Variants in BEND3 observed in about 807,000 individuals in gnomAD.
BEND3 encodes the protein BEN domain containing 3.
BEND3 carries 13 observed loss-of-function variants against 60.1 expected under a neutral mutation model. That is an observed-to-expected ratio of 0.22 (90% CI 0.14 to 0.34). BEND3 has a LOEUF of 0.34. Ranked by LOEUF, BEND3 falls within the 10% of genes least tolerant of loss-of-function variation. The pLI, the probability that BEND3 is intolerant of heterozygous loss-of-function variation, is 1.00. For synonymous variants in BEND3, 497 were observed against 491.5 expected (o/e 1.01, Z -0.15); for missense variants, 896 against 1,138.1 (o/e 0.79, Z 3.06).
rs782172473 is a variant in BEND3 at position 107,069,117 on chromosome 6, C to CG, written c.2073dup (p.Glu692ArgfsTer21). On this transcript the variant is annotated frameshift_variant, in exon 4 of 4. Coordinates refer to ENST00000369042, the MANE Select transcript of BEND3 (RefSeq NM_001367314.1). LOFTEE classifies it high-confidence loss of function. Reference sequence around the variant, plus strand: ...TTGCAAAAGTCCTTGCTGCTCCTCTCGGGGGGCAGTGGGGGCCCCTCAAAC... The same window carrying CG: ...TTGCAAAAGTCCTTGCTGCTCCTCTCGGGGGGGCAGTGGGGGCCCCTCAAAC... The CG allele has an allele frequency of 1.2e-6, 2 of 1,612,728 alleles. No homozygotes were observed. Among genetic ancestry groups the CG allele is most frequent in the Non-Finnish European group, 8.5e-7 (1 of 1,179,950 alleles).
At chr6:107,097,608 T>C (rs984109715) in intron 3 of BEND3, among the ~76,000 whole-genome samples, 3 of 151,414 alleles carry the variant, frequency 2.0e-5, no homozygotes, top group African/African-American at 4.9e-5. Context: ...TTGGCCAACA[T>C]GGAGAAACCC....
At chr6:107,099,141 G>A in intron 2 of BEND3, 108 bp downstream of exon 2, 2 of 867,198 alleles carry the variant, frequency 2.3e-6, no homozygotes, top group South Asian at 3.1e-5. Flanking sequence ...GTGGGTGGAG[G>A]GGACTTTTCA....
intron 3 of BEND3, among the ~76,000 whole-genome samples, chr6:107,091,166 GC>G (rs1441976763): frequency 6.7e-6 from 1 of 150,322 alleles, no homozygotes; most frequent in Non-Finnish European, 1.5e-5. Flanking sequence ...GTGAAATGCA[GC>G]AAAAAGAGTG....
At position 107,069,656 on chromosome 6, in the gene BEND3, T is replaced by C; in HGVS notation, c.1535A>G (p.Lys512Arg). ...CTCGCCCTCGAAGCTGTCCTCCACC[T>C]TGACCACTGAGATGTCGTCGGGCAG... The part of the protein sequence containing the change: ...SSLPDDISVV[K>R]VEDSFEGERP... Residue 512 changes from lysine to arginine, a missense_variant, in exon 4 of 4, where the codon AAG becomes AGG. Physicochemically the swap from Lys to Arg is conservative, Grantham distance 26. Transcript: ENST00000369042. 1 of 1,609,886 alleles carries C rather than the reference T, an allele frequency of 6.2e-7. No individual in the cohort carries two copies. The highest frequency in any genetic ancestry group is 8.5e-7 in the Non-Finnish European group (1 of 1,179,994).
intron 3 of BEND3, among the ~76,000 whole-genome samples, chr6:107,072,963 G>C (rs1468596614): frequency 6.6e-6 from 1 of 151,852 alleles, no homozygotes; most frequent in African/African-American, 2.4e-5. Flanking sequence ...ACCCCAGCCT[G>C]GGTGACAGAG....
At chr6:107,079,553 C>T (rs1347935016) in intron 3 of BEND3, among the ~76,000 whole-genome samples, 1 of 152,216 alleles carries the variant, frequency 6.6e-6, no homozygotes, top group Non-Finnish European at 1.5e-5. Context: ...AGCCCCACAG[C>T]CTGACTGGTC....
intron 3 of BEND3, among the ~76,000 whole-genome samples, chr6:107,080,766 C>A (rs1775215776): frequency 6.6e-6 from 1 of 151,864 alleles, no homozygotes; most frequent in Admixed American, 6.6e-5. Context: ...CACCTGTAAC[C>A]CCAGCTACTC....
intron 3 of BEND3, among the ~76,000 whole-genome samples, chr6:107,093,329 T>C (rs1196537362): frequency 1.3e-5 from 2 of 151,870 alleles, no homozygotes; most frequent in Non-Finnish European, 2.9e-5. Context: ...GGCGTGGTGG[T>C]GGGTGCCTGT....
At chr6:107,090,265 C>T (rs1311377341) in intron 3 of BEND3, among the ~76,000 whole-genome samples, 1 of 152,140 alleles carries the variant, frequency 6.6e-6, no homozygotes, top group Non-Finnish European at 1.5e-5. Context: ...ACGAGAATCA[C>T]TTGAACCTTG....
chr6:107,102,803 C>A (rs1017790663), intron 1 of BEND3, among the ~76,000 whole-genome samples: 1 of 152,162 alleles, frequency 6.6e-6, no homozygotes, highest in African/African-American at 2.4e-5. Flanking sequence ...AACTTCACAC[C>A]AGGCACTGGG....
chr6:107,070,907 C>T lies in BEND3; in HGVS notation c.284G>A (p.Cys95Tyr), dbSNP rs138239114. The T allele has an allele frequency of 8.1e-6, 13 of 1,613,632 alleles. No homozygotes were observed. The highest frequency in any genetic ancestry group is 5.0e-5 in the Admixed American group (3 of 59,964). The stretch of plus-strand genomic sequence containing the variant: ...GCCGGCCTGCTCACCATTGCCTTGG[C>T]AGGGCGAGCTGTTCTCACGGTTCCG... ...GMRNRENSSP[C>Y]QGNGEQAGRG... is the part of the protein sequence containing the mutation. The change falls in exon 4 of 4, where the codon TGC becomes TAC. Residue 95 changes from cysteine (C) to tyrosine (Y), a missense_variant. Cys to Tyr is a radical substitution (Grantham distance 194, BLOSUM62 -2). Around this residue, in one of 4 missense-constraint regions of BEND3, gnomAD observed 846 missense variants for 1,036.7 expected, o/e 0.82. Transcript: ENST00000369042. This position sits in a 1 kb window ranked among gnomAD's most constrained non-coding sequence, Gnocchi z 6.9.
At chr6:107,093,814 T>A (rs2783017) in intron 3 of BEND3, among the ~76,000 whole-genome samples, 1 of 152,036 alleles carries the variant, frequency 6.6e-6, no homozygotes, top group South Asian at 2.1e-4. Context: ...AGAGAAAACA[T>A]AGATGACCTT....
intron 3 of BEND3, among the ~76,000 whole-genome samples, chr6:107,079,122 C>A (rs1775168846): frequency 6.6e-6 from 1 of 152,098 alleles, no homozygotes; most frequent in Non-Finnish European, 1.5e-5. Context: ...GAGGAACACA[C>A]AACTGGGTGG....
chr6:107,070,974 A>G lies in BEND3; in HGVS notation c.241-24T>C. ...GCCTGCAAAACAAAAATCATTTCCC[A>G]GAGTGTTAGGTGGGTGCTGTGGTTT... is the stretch of plus-strand genomic sequence containing the variant. On this transcript the variant is annotated intron_variant, in intron 3 of 3. Coordinates refer to ENST00000369042, the MANE Select transcript of BEND3 (RefSeq NM_001367314.1). The surrounding 1 kb of genome is among the most constrained non-coding windows in gnomAD (Gnocchi z 6.9). 6.3e-7 allele frequency: 1 copy of G among 1,585,238 alleles called. No individual in the cohort carries two copies. The highest frequency in any genetic ancestry group is 8.6e-7 in the Non-Finnish European group (1 of 1,165,954).
At chr6:107,097,809 A>AAC (rs1775619016) in intron 3 of BEND3, among the ~76,000 whole-genome samples, 1 of 151,274 alleles carries the variant, frequency 6.6e-6, no homozygotes, top group Admixed American at 6.6e-5. Context: ...AAAAAAAAAA[A>AAC]AAAAAACCCC....
In BEND3 at chr6:107,066,437, G is replaced by C. The variant is rs538042724; in HGVS notation, c.*2267C>G. The C allele has an allele frequency of 6.5e-6, 1 of 152,680 alleles. No individual in the cohort carries two copies. Among genetic ancestry groups the C allele is most frequent in the South Asian group, 2.1e-4 (1 of 4,822 alleles). 9.5% of individuals were successfully genotyped at this position (152,680 alleles called of 1,614,324 possible). ...GGGGGAAGATGCCCTACACATGTAA[G>C]GTATTAAGAAAATCACTGAAATACG... On this transcript the variant is annotated 3_prime_UTR_variant, in exon 4 of 4. Transcript: ENST00000369042.
At position 107,069,544 on chromosome 6, in the gene BEND3, G is replaced by A. The variant is rs781991805; in HGVS notation, c.1647C>T (p.Pro549=). 1.3e-5 allele frequency: 21 copies of A among 1,613,022 alleles called. No individual in the cohort carries two copies. Among genetic ancestry groups the A allele is most frequent in the South Asian group, 2.2e-5 (2 of 91,088 alleles). Residue 549 remains proline (P), a synonymous_variant, in exon 4 of 4, where the codon CCC becomes CCT. Coordinates refer to ENST00000369042, the MANE Select transcript of BEND3 (RefSeq NM_001367314.1). ...CCTTGCTGAGCAGGCAGTCGGCACC[G>A]GGCACCTCGAAGTCAGGCTGGGGGA... ...LEIPQPDFEV[P]GADCLLSKEQ...
rs1197456601 is a variant in BEND3, at chr6:107,089,280, T to C, written c.240+9271A>G. Among the ~76,000 whole-genome samples the C allele has an allele frequency of 2.0e-5, 3 of 152,314 alleles. 1 individual carries two copies. The East Asian group carries it at 5.8e-4, about 29-fold the overall frequency. On this transcript the variant is annotated intron_variant, in intron 3 of 3. Coordinates refer to ENST00000369042, the MANE Select transcript of BEND3 (RefSeq NM_001367314.1). The stretch of plus-strand genomic sequence containing the variant: ...TATTGTTAAAGTGAAATATTATCCA[T>C]GCTACCAAAAGCCAACTAAAGATTT...
chr6:107,115,401 A>C lies in BEND3; in HGVS notation c.-323T>G, dbSNP rs1389327219. The C allele has an allele frequency of 1.3e-5, 2 of 148,568 alleles. No homozygotes were observed. The highest frequency in any genetic ancestry group is 3.0e-5 in the Non-Finnish European group (2 of 66,790). The allele number at this position is 148,568 out of a possible 1,614,324, so 9.2% of individuals were successfully genotyped here. A position where few individuals can be genotyped will look rare whatever the true frequency, so the allele number is the denominator to read the frequency against. On this transcript the variant is annotated 5_prime_UTR_variant, in exon 1 of 4. Transcript: ENST00000369042. Reference sequence around the variant, plus strand: ...CACCCCCGGCCCGCCCCTCCCCCTCAGCGGGGCACACGCGGGACCGGCGGC... The same window carrying C: ...CACCCCCGGCCCGCCCCTCCCCCTCCGCGGGGCACACGCGGGACCGGCGGC...
Sources: allele counts gnomAD v4.1 joint callset (sites outside exome capture counted in the v4.1 genomes callset), GRCh38; gene constraint gnomAD v4.1.1; regional missense constraint gnomAD v4.1.1; non-coding constraint Gnocchi (gnomAD v3.1); transcripts MANE v1.5; gene names NCBI Gene and HGNC (gene_info 2026-07-23, HGNC 2026-07-21).